PIWIL2: variants seen among roughly 807,000 people sequenced by gnomAD.
The protein encoded by PIWIL2 is piwi like RNA-mediated gene silencing 2.
A neutral mutation model predicts 116.5 loss-of-function variants in PIWIL2; 81 were observed. The observed-to-expected ratio is 0.70, with a 90% CI of 0.58 to 0.84. PIWIL2 has a LOEUF of 0.84. Among genes scored for constraint, PIWIL2 ranks in the 40% least tolerant of loss-of-function variants. PIWIL2 has a pLI of 0.00. For synonymous variants in PIWIL2, 489 were observed against 429.5 expected (o/e 1.14, Z -1.71); for missense variants, 1,272 against 1,212.3 (o/e 1.05, Z -0.73).
chr8:22,314,194 C>G, intron 16 of PIWIL2, 134 bp from the exon 17 acceptor site: 1 of 441,564 alleles, frequency 2.3e-6, no homozygotes, highest in Non-Finnish European at 4.1e-6. Flanking sequence ...GGAATGTCCA[C>G]CCTCTTTATT....
chr8:22,306,096 C>G lies in PIWIL2; in HGVS notation c.1545+80C>G, dbSNP rs566884929. 26 of 956,200 alleles carry G rather than the reference C, an allele frequency of 2.7e-5. No homozygotes were observed. The South Asian group carries it at 3.3e-4, about 12-fold the overall frequency. The allele number at this position is 956,200 out of a possible 1,614,324, so 59.2% of individuals were successfully genotyped here. ...GTTAACAGTTTGAGTTAGAACCGAG[C>G]CACGTTCCAACTCTGATGTTGGCTT... On this transcript the variant is annotated intron_variant, in intron 13 of 22. Transcript: ENST00000356766.
intron 20 of PIWIL2, among the ~76,000 whole-genome samples, chr8:22,331,719 A>G (rs2132079773): frequency 6.6e-6 from 1 of 152,238 alleles, no homozygotes; most frequent in East Asian, 1.9e-4. Flanking sequence ...GAAGTCAGAA[A>G]TCCAAGCTCA....
chr8:22,305,264 C>G (rs1483037998), intron 12 of PIWIL2, among the ~76,000 whole-genome samples: 1 of 151,926 alleles, frequency 6.6e-6, no homozygotes, highest in Non-Finnish European at 1.5e-5. Context: ...GCAATCTCAG[C>G]TCACTGCAAG....
chr8:22,284,143 T>G lies in PIWIL2; in HGVS notation c.633-19T>G. 3 of 1,436,366 alleles carry G rather than the reference T, an allele frequency of 2.1e-6. No individual in the cohort carries two copies. Among genetic ancestry groups the G allele is most frequent in the Non-Finnish European group, 2.9e-6 (3 of 1,049,430 alleles). The allele number at this position is 1,436,366 out of a possible 1,614,324, so 89.0% of individuals were successfully genotyped here. ...TTTGTTTTTGATATATGCAGTTGCT[T>G]TTTGTTTTTATTTTCTAGAGAGCTT... is the stretch of plus-strand genomic sequence containing the variant. On this transcript the variant is annotated intron_variant, in intron 5 of 22. Transcript: ENST00000356766.
At chr8:22,293,130 C>G (rs1394486261) in intron 10 of PIWIL2, among the ~76,000 whole-genome samples, 2 of 152,056 alleles carry the variant, frequency 1.3e-5, no homozygotes, top group African/African-American at 4.8e-5. Flanking sequence ...TCAGTGAATG[C>G]CTTTGCTTTT....
chr8:22,319,761 C>T (rs1202280230), intron 20 of PIWIL2, among the ~76,000 whole-genome samples: 2 of 152,178 alleles, frequency 1.3e-5, no homozygotes, highest in Non-Finnish European at 2.9e-5. Flanking sequence ...CTGAATGTTC[C>T]ACAAGACAGA....
chr8:22,349,051 C>CTTTTTTTTTTTTTTTT (rs35385064), intron 20 of PIWIL2, among the ~76,000 whole-genome samples: 1 of 136,808 alleles, frequency 7.3e-6, no homozygotes. Flanking sequence ...TTTCTTTTTT[C>CTTTTTTTTTTTTTTTT]TTTTTTTTTT....
chr8:22,313,019 A>T (rs1034402688), intron 16 of PIWIL2, among the ~76,000 whole-genome samples: 1 of 152,162 alleles, frequency 6.6e-6, no homozygotes, highest in Non-Finnish European at 1.5e-5. Flanking sequence ...CTGATCATAG[A>T]TAAGTTCTGC....
intron 16 of PIWIL2, 48 bp downstream of exon 16, chr8:22,311,348 C>G (rs979044965): frequency 7.1e-7 from 1 of 1,409,766 alleles, no homozygotes; most frequent in Non-Finnish European, 9.9e-7. Flanking sequence ...TTTTAAATTA[C>G]TTAAATACTT....
At chr8:22,295,832 T>G (rs1379196352) in intron 10 of PIWIL2, among the ~76,000 whole-genome samples, 2 of 152,186 alleles carry the variant, frequency 1.3e-5, no homozygotes, top group Non-Finnish European at 2.9e-5. Flanking sequence ...GGGTAGTAAG[T>G]CAACTAAGGT....
intron 20 of PIWIL2, among the ~76,000 whole-genome samples, chr8:22,335,939 T>C (rs991758801): frequency 2.0e-5 from 3 of 152,040 alleles, no homozygotes; most frequent in Non-Finnish European, 2.9e-5. Context: ...AGTCAATCCA[T>C]GAGAAAGACA....
At chr8:22,348,299 CAAAAATAAT>C (rs1175653747) in intron 20 of PIWIL2, among the ~76,000 whole-genome samples, 1 of 152,000 alleles carries the variant, frequency 6.6e-6, no homozygotes, top group Non-Finnish European at 1.5e-5. Context: ...GACTCCATCT[CAAAAATAAT>C]AATGTTTTAA....
chr8:22,314,476 C>G, intron 17 of PIWIL2, 47 bp downstream of exon 17: 2 of 977,250 alleles, frequency 2.0e-6, no homozygotes, highest in Non-Finnish European at 3.0e-6. Context: ...CTCTCGCCTC[C>G]CCGAGGCTTG....
chr8:22,291,126 G>A (rs1022555433), intron 10 of PIWIL2, among the ~76,000 whole-genome samples: 2 of 151,240 alleles, frequency 1.3e-5, no homozygotes, highest in Admixed American at 6.6e-5. Context: ...CCGCCACCAT[G>A]TCCGGCTAAT....
rs528368086 is a variant in PIWIL2 at position 22,328,049 on chromosome 8, C to T, written c.2403+9774C>T. Among the ~76,000 whole-genome samples, 8 of 152,048 alleles carry T rather than the reference C, an allele frequency of 5.3e-5. No homozygotes were observed. In the South Asian group the frequency reaches 1.7e-3, roughly 32 times the overall value. On this transcript the variant is annotated intron_variant, in intron 20 of 22. Transcript: ENST00000356766. ...AAATCCAAGGTCATAAAAGCTTGTC[C>T]CCTGTTTTTTTTTTCTAACAATGTT...
At chr8:22,315,206 G>T in intron 18 of PIWIL2, 61 bp downstream of exon 18, 1 of 945,616 alleles carries the variant, frequency 1.1e-6, no homozygotes, top group Non-Finnish European at 1.7e-6. Flanking sequence ...CTGTTTTCCT[G>T]TTTTTCCTTA....
chr8:22,304,921 G>A, intron 12 of PIWIL2, 53 bp downstream of exon 12: 1 of 1,194,758 alleles, frequency 8.4e-7, no homozygotes, highest in South Asian at 1.2e-5. Flanking sequence ...CATCCTGTCA[G>A]CTGCTTTTAG....
chr8:22,338,660 C>G (rs1349984863), intron 20 of PIWIL2, among the ~76,000 whole-genome samples: 1 of 151,634 alleles, frequency 6.6e-6, no homozygotes, highest in East Asian at 1.9e-4. Flanking sequence ...TCACTGCACT[C>G]CAGCCTGGGT....
At chr8:22,281,030 G>A (rs1293406060) in intron 2 of PIWIL2, 90 bp from the exon 3 acceptor site, 4 of 730,670 alleles carry the variant, frequency 5.5e-6, no homozygotes, top group Non-Finnish European at 9.3e-6. Flanking sequence ...AGAATTTGAA[G>A]ATGATTTTAT....
Sources: allele counts gnomAD v4.1 joint callset (sites outside exome capture counted in the v4.1 genomes callset), GRCh38; gene constraint gnomAD v4.1.1; transcripts MANE v1.5; gene names NCBI Gene and HGNC (gene_info 2026-07-23, HGNC 2026-07-21).